The following MTCL3 variants were observed in gnomAD, a reference collection of about 807,000 sequenced individuals.
MTCL3 encodes MTCL family member 3.
At chr6:127,476,128 G>T in the MTCL3 span, 2 of 1,614,146 alleles carry the variant, frequency 1.2e-6, no homozygotes, top group Non-Finnish European at 1.7e-6. The surrounding 1 kb of genome is among the most constrained non-coding windows in gnomAD (Gnocchi z 4.4). Flanking sequence ...CCTCATGAGC[G>T]GGTTGGCCGA....
At chr6:127,506,165 T>A in the MTCL3 span, among the ~76,000 whole-genome samples, 3 of 152,198 alleles carry the variant, frequency 2.0e-5, no homozygotes, top group Non-Finnish European at 4.4e-5. Context: ...CTCAAATTCA[T>A]GGCTAATGAA....
the MTCL3 span, among the ~76,000 whole-genome samples, chr6:127,507,842 CAAAAAAAAAAAAAAAAAA>C: frequency 1.2e-5 from 1 of 82,088 alleles, no homozygotes; most frequent in Non-Finnish European, 2.2e-5. Context: ...GACTATGTCT[CAAAAAAAAAAAAAAAAAA>C]AAAAAAAAAA....
At chr6:127,509,236 G>C in the MTCL3 span, among the ~76,000 whole-genome samples, 1 of 152,138 alleles carries the variant, frequency 6.6e-6, no homozygotes, top group African/African-American at 2.4e-5. Flanking sequence ...TTCAATACAA[G>C]CAATGAGATG....
chr6:127,474,284 A>T, the MTCL3 span, among the ~76,000 whole-genome samples: 7 of 151,694 alleles, frequency 4.6e-5, no homozygotes, highest in South Asian at 2.1e-4. Flanking sequence ...AATTAAATTA[A>T]TTTTTTTTAT....
the MTCL3 span, among the ~76,000 whole-genome samples, chr6:127,479,057 G>A: frequency 6.6e-6 from 1 of 150,900 alleles, no homozygotes; most frequent in Non-Finnish European, 1.5e-5. Flanking sequence ...GGGGAGACAG[G>A]TAAGAAATAG....
the MTCL3 span, among the ~76,000 whole-genome samples, chr6:127,493,108 C>T: frequency 1.3e-5 from 2 of 152,212 alleles, no homozygotes; most frequent in East Asian, 3.9e-4. Context: ...TTGTTCATCC[C>T]ACCCTTAGTT....
the MTCL3 span, chr6:127,516,474 G>A: frequency 1.3e-6 from 2 of 1,599,742 alleles, no homozygotes; most frequent in South Asian, 2.2e-5. Context: ...GCAGCGAACT[G>A]TCCCTCGGTC....
chr6:127,497,803 A>G, the MTCL3 span, among the ~76,000 whole-genome samples: 3 of 152,236 alleles, frequency 2.0e-5, no homozygotes, highest in African/African-American at 7.2e-5. Context: ...AAAAAGGAAA[A>G]AAGAAGATAA....
chr6:127,506,685 A>T, the MTCL3 span, among the ~76,000 whole-genome samples: 1 of 152,052 alleles, frequency 6.6e-6, no homozygotes, highest in African/African-American at 2.4e-5. Flanking sequence ...GGTTCATAAC[A>T]TTCTCCTGCC....
chr6:127,518,185 G>A, the MTCL3 span, among the ~76,000 whole-genome samples: 1 of 152,186 alleles, frequency 6.6e-6, no homozygotes, highest in Admixed American at 6.5e-5. Flanking sequence ...GATACTACTA[G>A]AATGTCTGGC....
At chr6:127,514,858 C>A in the MTCL3 span, 1 of 1,613,742 alleles carries the variant, frequency 6.2e-7, no homozygotes, top group Non-Finnish European at 8.5e-7. Flanking sequence ...AACAGCTCCC[C>A]GTCGATTTCC....
At chr6:127,511,066 C>G in the MTCL3 span, among the ~76,000 whole-genome samples, 1 of 152,170 alleles carries the variant, frequency 6.6e-6, no homozygotes, top group Admixed American at 6.5e-5. Context: ...TCACTGATAT[C>G]CTTACAAAAA....
the MTCL3 span, among the ~76,000 whole-genome samples, chr6:127,511,572 GACAAGT>G: frequency 4.6e-5 from 7 of 152,086 alleles, no homozygotes; most frequent in African/African-American, 1.7e-4. Flanking sequence ...GATAAAAGTA[GACAAGT>G]ACAAGTTACA....
At chr6:127,513,112 G>T in the MTCL3 span, 2 of 1,424,320 alleles carry the variant, frequency 1.4e-6, no homozygotes, top group East Asian at 2.5e-5. Context: ...GGCTAAAATT[G>T]TATTCCTATT....
the MTCL3 span, among the ~76,000 whole-genome samples, chr6:127,497,740 T>C: frequency 1.1e-4 from 17 of 152,128 alleles, no homozygotes; most frequent in African/African-American, 2.9e-4. Flanking sequence ...AAAGCCAACA[T>C]TGAATGTATA....
At chr6:127,479,517 A>G in the MTCL3 span, among the ~76,000 whole-genome samples, 3 of 152,252 alleles carry the variant, frequency 2.0e-5, no homozygotes, top group Non-Finnish European at 4.4e-5. Context: ...AATTGAATCT[A>G]ACCAAAACAG....
chr6:127,502,639 A>T, the MTCL3 span, among the ~76,000 whole-genome samples: 1 of 152,174 alleles, frequency 6.6e-6, no homozygotes, highest in Non-Finnish European at 1.5e-5. Flanking sequence ...ACAGCTCTAA[A>T]ATTTTATTCT....
the MTCL3 span, chr6:127,517,408 C>T: frequency 5.9e-5 from 9 of 152,062 alleles, no homozygotes; most frequent in Non-Finnish European, 1.5e-5. Flanking sequence ...ATTAGCAACC[C>T]AAAAACGTAT....
chr6:127,473,036 A>G, the MTCL3 span: 2 of 1,002,472 alleles, frequency 2.0e-6, no homozygotes, highest in Non-Finnish European at 2.4e-6. Context: ...AAAAAGAAGT[A>G]AAAATTAAAA....
Sources: gnomAD v4.1 joint callset for allele counts (sites outside exome capture counted in the v4.1 genomes callset) on GRCh38, gnomAD v4.1.1 for gene constraint, Gnocchi (gnomAD v3.1) non-coding constraint, MANE v1.5 for transcripts, NCBI Gene and HGNC (gene_info 2026-07-23, HGNC 2026-07-21) for gene names.